APBA2: variants seen among roughly 807,000 people sequenced by gnomAD.
APBA2 encodes amyloid-beta A4 precursor protein-binding family A member 2.
A neutral mutation model predicts 75.0 loss-of-function variants in APBA2; 30 were observed. That is an observed-to-expected ratio of 0.40 (90% CI 0.30 to 0.54). The LOEUF is 0.54. APBA2 is among the 20% of genes least tolerant of loss of function. The pLI is 0.49. For missense variants in APBA2, 801 were observed against 1,016.1 expected, an observed-to-expected ratio of 0.79 and a Z score of 2.88; for synonymous variants, 444 against 409.6, an observed-to-expected ratio of 1.08 and a Z score of -1.01.
chr15:28,963,871 C>T (rs969262580), intron 2 of APBA2, among the ~76,000 whole-genome samples: 1 of 152,174 alleles, frequency 6.6e-6, no homozygotes, highest in Non-Finnish European at 1.5e-5. Context: ...ACTAGTCAGA[C>T]TCCAGTAGTT....
intron 2 of APBA2, among the ~76,000 whole-genome samples, chr15:28,993,892 A>G (rs1290152168): frequency 6.6e-6 from 1 of 152,134 alleles, no homozygotes; most frequent in Non-Finnish European, 1.5e-5. Flanking sequence ...TGGTCAAGTG[A>G]CAGCTGCCCA....
intron 2 of APBA2, among the ~76,000 whole-genome samples, chr15:28,951,905 T>G (rs1442599745): frequency 6.7e-6 from 1 of 149,640 alleles, no homozygotes; most frequent in Admixed American, 6.7e-5. Context: ...TTTTTTTTTT[T>G]TTAAGACAGA....
intron 1 of APBA2, among the ~76,000 whole-genome samples, chr15:28,909,324 C>T (rs147786881): frequency 8.5e-5 from 13 of 152,256 alleles, no homozygotes; most frequent in East Asian, 3.9e-4. Context: ...GTGAATTTGA[C>T]GATTCCAGGT....
At chr15:29,101,165 G>A (rs2044099164) in intron 9 of APBA2, among the ~76,000 whole-genome samples, 1 of 151,714 alleles carries the variant, frequency 6.6e-6, no homozygotes, top group East Asian at 1.9e-4. Context: ...AGAATGATCC[G>A]GCCCCAAATG....
chr15:28,939,588 C>T (rs928114733), intron 2 of APBA2, among the ~76,000 whole-genome samples: 1 of 152,138 alleles, frequency 6.6e-6, no homozygotes, highest in Non-Finnish European at 1.5e-5. Flanking sequence ...TCCCAACAAG[C>T]GTGATAGCAG....
chr15:28,938,138 G>A (rs1331181453), intron 2 of APBA2, among the ~76,000 whole-genome samples: 1 of 152,154 alleles, frequency 6.6e-6, no homozygotes, highest in Non-Finnish European at 1.5e-5. Context: ...ACCCTTAGGA[G>A]CCTCCAGAGC....
At chr15:29,115,972 C>T (rs1039741344) in intron 14 of APBA2, among the ~76,000 whole-genome samples, 6 of 152,188 alleles carry the variant, frequency 3.9e-5, no homozygotes, top group Non-Finnish European at 8.8e-5. Flanking sequence ...GCGAGGGCCC[C>T]CCATCCGGAG....
intron 1 of APBA2, among the ~76,000 whole-genome samples, chr15:28,917,568 C>T (rs956456505): frequency 6.6e-6 from 1 of 151,764 alleles, no homozygotes; most frequent in African/African-American, 2.4e-5. Context: ...AGGGAGTTCT[C>T]CTGTACACCC....
At chr15:28,985,956 G>C (rs532620122) in intron 2 of APBA2, among the ~76,000 whole-genome samples, 12 of 152,306 alleles carry the variant, frequency 7.9e-5, no homozygotes, top group South Asian at 4.1e-4. Context: ...GGGCTTGCCA[G>C]ACACCTCCAT....
At position 29,054,833 on chromosome 15, in the gene APBA2, C is replaced by A; in HGVS notation, c.949C>A (p.Gln317Lys). 6.3e-7 allele frequency: 1 copy of A among 1,597,492 alleles called. No individual in the cohort carries two copies. The highest frequency in any genetic ancestry group is 8.5e-7 in the Non-Finnish European group (1 of 1,178,968). Reference sequence around the variant, plus strand: ...AGAGAGGCTGAAGTGGCCCCACGAGCAGGTAGGACCCTGGCTGTCCTGGGG... The same window carrying A: ...AGAGAGGCTGAAGTGGCCCCACGAGAAGGTAGGACCCTGGCTGTCCTGGGG... ...PEERLKWPHEQVCNGLEQPRK... is the reference protein window; with the variant it reads ...PEERLKWPHEKVCNGLEQPRK... The change falls in exon 4 of 15, where the codon CAG becomes AAG. Residue 317 changes from glutamine (Q) to lysine (K), a missense_variant and splice_region_variant. Coordinates refer to ENST00000683413, the MANE Select transcript of APBA2 (RefSeq NM_001353788.2). This position sits in a 1 kb window ranked among gnomAD's most constrained non-coding sequence, Gnocchi z 6.1.
At chr15:29,076,149 T>C (rs981961717) in intron 6 of APBA2, 58 bp downstream of exon 6, 10 of 1,569,572 alleles carry the variant, frequency 6.4e-6, no homozygotes, top group Non-Finnish European at 8.8e-6. Context: ...TCAAAATAAA[T>C]GGTGCTTTTA....
chr15:29,043,519 AG>A (rs1375732782), intron 3 of APBA2, among the ~76,000 whole-genome samples: 1 of 152,236 alleles, frequency 6.6e-6, no homozygotes, highest in Non-Finnish European at 1.5e-5. Context: ...GGAAGGAAAT[AG>A]GTACCATTGT....
intron 4 of APBA2, among the ~76,000 whole-genome samples, chr15:29,060,841 C>A (rs185968226): frequency 6.6e-6 from 1 of 151,902 alleles, no homozygotes; most frequent in African/African-American, 2.4e-5. Flanking sequence ...CAGCAAGGCT[C>A]GTATTGTGTG....
At chr15:29,101,984 G>A (rs904415326) in intron 10 of APBA2, 200 bp downstream of exon 10, 4 of 636,648 alleles carry the variant, frequency 6.3e-6, no homozygotes, top group African/African-American at 1.8e-5. Flanking sequence ...TCTTGAAATA[G>A]GTTCTTCAGG....
chr15:29,039,556 G>T (rs924844725), intron 3 of APBA2, among the ~76,000 whole-genome samples: 1 of 152,142 alleles, frequency 6.6e-6, no homozygotes, highest in Admixed American at 6.5e-5. Context: ...TGGAGCTGGG[G>T]CAGGATCCAG....
chr15:29,108,237 C>G, intron 12 of APBA2, 33 bp from the exon 13 acceptor site: 1 of 1,613,132 alleles, frequency 6.2e-7, no homozygotes, highest in Non-Finnish European at 8.5e-7. Flanking sequence ...TGTCTAAGGC[C>G]CAGCCTGTGA....
chr15:29,079,831 A>G (rs919254554), intron 6 of APBA2, among the ~76,000 whole-genome samples: 1 of 152,214 alleles, frequency 6.6e-6, no homozygotes. Flanking sequence ...AATGAAAAAA[A>G]TAATAGTAAC....
chr15:28,936,681 G>A (rs1484112134), intron 2 of APBA2, among the ~76,000 whole-genome samples: 1 of 152,198 alleles, frequency 6.6e-6, no homozygotes, highest in Non-Finnish European at 1.5e-5. Context: ...GCCAGTGTCC[G>A]CAGAGCCCCA....
At chr15:29,114,115 G>A in intron 14 of APBA2, 99 bp downstream of exon 14, 1 of 1,554,852 alleles carries the variant, frequency 6.4e-7, no homozygotes, top group Non-Finnish European at 8.8e-7. Flanking sequence ...CAGGGCATCT[G>A]AAGGTCAGCC....
Sources: gnomAD v4.1 joint callset for allele counts (sites outside exome capture counted in the v4.1 genomes callset) on GRCh38, gnomAD v4.1.1 for gene constraint, Gnocchi (gnomAD v3.1) non-coding constraint, MANE v1.5 for transcripts, NCBI Gene and HGNC (gene_info 2026-07-23, HGNC 2026-07-21) for gene names.